The following CDH4 variants were observed in gnomAD, a reference collection of about 807,000 sequenced individuals.
CDH4 encodes cadherin 4, also known as cadherin-4.
CDH4 carries 33 observed loss-of-function variants against 86.0 expected under a neutral mutation model. That is an observed-to-expected ratio of 0.38 (90% CI 0.29 to 0.51). The LOEUF is 0.51. CDH4 is among the 20% of genes least tolerant of loss of function. The pLI is 0.86. For synonymous variants in CDH4, 555 were observed against 549.4 expected (o/e 1.01, Z -0.14); for missense variants, 1,114 against 1,307.4 (o/e 0.85, Z 2.28).
chr20:61,295,763 C>T (rs2084348502), intron 2 of CDH4, among the ~76,000 whole-genome samples: 1 of 152,122 alleles, frequency 6.6e-6, no homozygotes, highest in Admixed American at 6.5e-5. Flanking sequence ...GACCCCTGTC[C>T]CTTACCAGCT....
In CDH4 at chr20:61,394,304, C is replaced by T. The variant is rs1051306811; in HGVS notation, c.169+139367C>T. ...CATCTCCTGCCATCCAGGACTCTCC[C>T]GCCCCTGCCTGTCCCTCTCGGGCAG... On this transcript the variant is annotated intron_variant, in intron 2 of 15. Coordinates refer to ENST00000614565, the MANE Select transcript of CDH4 (RefSeq NM_001794.5). Among the ~76,000 whole-genome samples the T allele has an allele frequency of 4.6e-5, 7 of 152,142 alleles. No homozygotes were observed. In the South Asian group the frequency reaches 1.0e-3, roughly 23 times the overall value.
intron 3 of CDH4, among the ~76,000 whole-genome samples, chr20:61,769,942 G>C (rs980026623): frequency 1.3e-5 from 2 of 152,212 alleles, no homozygotes; most frequent in African/African-American, 4.8e-5. Flanking sequence ...GCTAGGTCTT[G>C]GAGGACAGGT....
chr20:61,350,095 C>CT (rs2084702364), intron 2 of CDH4, among the ~76,000 whole-genome samples: 1 of 146,128 alleles, frequency 6.8e-6, no homozygotes, highest in Admixed American at 6.7e-5. Flanking sequence ...TCCCACCCAG[C>CT]GTCAGGCAGA....
intron 2 of CDH4, among the ~76,000 whole-genome samples, chr20:61,265,944 G>C (rs893331143): frequency 1.3e-5 from 2 of 152,196 alleles, no homozygotes; most frequent in African/African-American, 4.8e-5. Context: ...GTGGGGATTT[G>C]CTGCTTTGGA....
intron 2 of CDH4, among the ~76,000 whole-genome samples, chr20:61,295,758 CT>C (rs1164606092): frequency 6.6e-6 from 1 of 152,140 alleles, no homozygotes; most frequent in Non-Finnish European, 1.5e-5. Flanking sequence ...AGGCAGACCC[CT>C]GTCCCTTACC....
At chr20:61,685,111 C>T (rs902594105) in intron 2 of CDH4, among the ~76,000 whole-genome samples, 10 of 152,314 alleles carry the variant, frequency 6.6e-5, no homozygotes, top group African/African-American at 2.4e-4. Context: ...CCAACAGCCA[C>T]AAATACACCT....
At chr20:61,452,523 T>C (rs1030926041) in intron 2 of CDH4, among the ~76,000 whole-genome samples, 2 of 152,236 alleles carry the variant, frequency 1.3e-5, no homozygotes, top group Admixed American at 1.3e-4. Context: ...GCAGGCTTGG[T>C]AAATTGCTTT....
Position 61,546,884 on chromosome 20 carries a change from G to A in CDH4, c.170-196679G>A, listed in dbSNP as rs1012802155. On this transcript the variant is annotated intron_variant, in intron 2 of 15. Coordinates refer to ENST00000614565, the MANE Select transcript of CDH4 (RefSeq NM_001794.5). ...CCACTGATTGGCTGGGGGGCTGCAC[G>A]GGAGACAGGCAGGTAGTTTTGGAGG... is the stretch of plus-strand genomic sequence containing the variant. 3.9e-5 allele frequency among the ~76,000 whole-genome samples: 6 copies of A among 152,138 alleles called. 1 individual carries two copies. Among genetic ancestry groups the A allele is most frequent in the Admixed American group, 2.6e-4 (4 of 15,280 alleles).
At chr20:61,346,257 C>T (rs2084678839) in intron 2 of CDH4, among the ~76,000 whole-genome samples, 1 of 151,188 alleles carries the variant, frequency 6.6e-6, no homozygotes, top group Non-Finnish European at 1.5e-5. Flanking sequence ...TCAGGAGGTC[C>T]TAGAGGAACC....
chr20:61,710,385 G>A (rs187778536), intron 2 of CDH4, among the ~76,000 whole-genome samples: 7 of 152,322 alleles, frequency 4.6e-5, no homozygotes, highest in African/African-American at 9.6e-5. Context: ...GGATGAAGGC[G>A]GTACAGGAAC....
chr20:61,896,441 C>T (rs866487379), intron 8 of CDH4, among the ~76,000 whole-genome samples: 1 of 152,180 alleles, frequency 6.6e-6, no homozygotes, highest in Non-Finnish European at 1.5e-5. Context: ...GCTGTGAGCA[C>T]ACAACGCCAT....
At position 61,392,762 on chromosome 20, in the gene CDH4, G is replaced by A. The variant is rs1355436698; in HGVS notation, c.169+137825G>A. 5.9e-5 allele frequency among the ~76,000 whole-genome samples: 9 copies of A among 152,118 alleles called. No homozygotes were observed. Among genetic ancestry groups the A allele is most frequent in the Admixed American group, 5.2e-4 (8 of 15,278 alleles). ...TTCTCACAGTATTCATCAGAAACTCGGTATTGCACATTTATTTCCTAGCGG... is the reference window on the plus strand; with the variant it reads ...TTCTCACAGTATTCATCAGAAACTCAGTATTGCACATTTATTTCCTAGCGG... On this transcript the variant is annotated intron_variant, in intron 2 of 15. Transcript: ENST00000614565. This position sits in a 1 kb window ranked among gnomAD's most constrained non-coding sequence, Gnocchi z 5.7.
chr20:61,421,278 A>G (rs2145502356), intron 2 of CDH4, among the ~76,000 whole-genome samples: 1 of 152,296 alleles, frequency 6.6e-6, no homozygotes, highest in East Asian at 1.9e-4. Flanking sequence ...TGTGCACAAC[A>G]CTTCAATTTC....
intron 2 of CDH4, among the ~76,000 whole-genome samples, chr20:61,705,924 TG>T (rs1345519550): frequency 3.3e-5 from 5 of 152,230 alleles, no homozygotes; most frequent in Non-Finnish European, 7.3e-5. Context: ...TGTGATGTGC[TG>T]AGCTCGGAGC....
intron 2 of CDH4, among the ~76,000 whole-genome samples, chr20:61,657,877 C>T (rs1010679994): frequency 2.6e-5 from 4 of 152,138 alleles, no homozygotes; most frequent in Admixed American, 2.0e-4. Context: ...ATTTGTGCTA[C>T]GTCACGGTGC....
At chr20:61,523,556 A>AC (rs575575619) in intron 2 of CDH4, among the ~76,000 whole-genome samples, 202 of 152,256 alleles carry the variant, frequency 1.3e-3, no homozygotes, top group African/African-American at 4.6e-3. Context: ...CCAACTTTTT[A>AC]CTAAGGTTCA....
At chr20:61,256,119 A>C (rs2084096622) in intron 2 of CDH4, among the ~76,000 whole-genome samples, 1 of 152,180 alleles carries the variant, frequency 6.6e-6, no homozygotes, top group Non-Finnish European at 1.5e-5. Flanking sequence ...GTCACTTTGG[A>C]GTTAGAACGG....
chr20:61,499,503 G>A (rs748107943), intron 2 of CDH4: 3 of 1,289,042 alleles, frequency 2.3e-6, no homozygotes, highest in Non-Finnish European at 3.0e-6. Flanking sequence ...GCAAGTGTGA[G>A]TGTGCTAGGG....
intron 3 of CDH4, among the ~76,000 whole-genome samples, chr20:61,752,997 T>A (rs75058131): frequency 0.01 from 1,549 of 152,310 alleles, 13 homozygotes; most frequent in Non-Finnish European, 0.016. Flanking sequence ...ACTTATAGTC[T>A]ATTACTCACA....
Sources: gnomAD v4.1 joint callset for allele counts (sites outside exome capture counted in the v4.1 genomes callset) on GRCh38, gnomAD v4.1.1 for gene constraint, Gnocchi (gnomAD v3.1) non-coding constraint, MANE v1.5 for transcripts, NCBI Gene and HGNC (gene_info 2026-07-23, HGNC 2026-07-21) for gene names.